Variants in PPIP5K1 observed in about 807,000 individuals in gnomAD.
PPIP5K1 encodes diphosphoinositol pentakisphosphate kinase 1.
Under a neutral mutation model 27.7 loss-of-function variants are expected in PPIP5K1, and 6 were observed. That is an observed-to-expected ratio of 0.22 (90% CI 0.12 to 0.43). The LOEUF is 0.43. Ranked by LOEUF, PPIP5K1 falls within the 20% of genes least tolerant of loss-of-function variation. The probability of loss-of-function intolerance (pLI) is 1.00; values close to 1 mark genes in which losing one functional copy is unlikely to be tolerated. For missense variants in PPIP5K1, 394 were observed against 635.4 expected (o/e 0.62, Z 4.08); for synonymous variants, 145 against 242.6 (o/e 0.60, Z 3.74).
In PPIP5K1 at chr15:43,535,482, A is replaced by G; in HGVS notation, c.3671-6T>C. On this transcript the variant is annotated splice_polypyrimidine_tract_variant and splice_region_variant and intron_variant, in intron 31 of 31. Coordinates refer to ENST00000420765, the MANE Select transcript of PPIP5K1 (RefSeq NM_001394395.1). ...GCTAGAAGGGCCACTGCTGTCTGTAAAGCAAAGTCAAGAGATCAAGTTAGA... is the reference window on the plus strand; with the variant it reads ...GCTAGAAGGGCCACTGCTGTCTGTAGAGCAAAGTCAAGAGATCAAGTTAGA... The G allele has an allele frequency of 4.5e-6, 7 of 1,548,500 alleles. No homozygotes were observed. Among genetic ancestry groups the G allele is most frequent in the Non-Finnish European group, 6.1e-6 (7 of 1,151,122 alleles).
At chr15:43,544,764 G>A in intron 30 of PPIP5K1, among the ~76,000 whole-genome samples, 1 of 152,070 alleles carries the variant, frequency 6.6e-6, no homozygotes, top group East Asian at 1.9e-4. Context: ...CTCCAGGCAT[G>A]ATCATACCAC....
In PPIP5K1 at chr15:43,555,285, T is replaced by A. The variant is rs144675753; in HGVS notation, c.3556+3510A>T. ...GAGTTTTCTATTTTTATTTATTTAT[T>A]TATGTTTTGAGACACGGTCTCAGTC... On this transcript the variant is annotated intron_variant, in intron 30 of 31. Transcript: ENST00000420765. Among the ~76,000 whole-genome samples the A allele has an allele frequency of 3.6e-3, 546 of 152,218 alleles. 3 individuals are homozygous for A. Among genetic ancestry groups the A allele is most frequent in the African/African-American group, 0.012 (515 of 41,516 alleles).
At chr15:43,546,654 A>ATTTTTTTTTT in intron 30 of PPIP5K1, among the ~76,000 whole-genome samples, 1 of 106,500 alleles carries the variant, frequency 9.4e-6, no homozygotes, top group Non-Finnish European at 2.0e-5. Context: ...CCTGTTTTCA[A>ATTTTTTTTTT]TTTTTTTTTT....
intron 30 of PPIP5K1, among the ~76,000 whole-genome samples, chr15:43,544,597 C>T (rs545248711): frequency 3.3e-5 from 5 of 152,162 alleles, no homozygotes; most frequent in Non-Finnish European, 5.9e-5. Flanking sequence ...AGTTCAAGAC[C>T]AGCCTGGGCA....
intron 30 of PPIP5K1, among the ~76,000 whole-genome samples, chr15:43,549,027 CAAAAAAAAAAAAAA>C (rs1160828750): frequency 2.1e-4 from 6 of 28,674 alleles, no homozygotes; most frequent in South Asian, 1.8e-3. Flanking sequence ...GACTCCATCT[CAAAAAAAAAAAAAA>C]AAAAAAAAAA....
chr15:43,549,754 T>C (rs1466366572), intron 30 of PPIP5K1, among the ~76,000 whole-genome samples: 3 of 152,156 alleles, frequency 2.0e-5, no homozygotes, highest in South Asian at 4.1e-4. Flanking sequence ...GAGGATCACT[T>C]GATTCCAGGA....
intron 30 of PPIP5K1, among the ~76,000 whole-genome samples, chr15:43,550,581 T>A (rs2082072307): frequency 2.0e-5 from 3 of 151,526 alleles, no homozygotes; most frequent in African/African-American, 7.3e-5. Context: ...CAGAAATACT[T>A]TTATTTTTTC....
intron 26 of PPIP5K1, among the ~76,000 whole-genome samples, chr15:43,567,118 G>GTTGTT (rs1323195255): frequency 1.0e-5 from 1 of 96,978 alleles, no homozygotes; most frequent in Non-Finnish European, 1.8e-5. Flanking sequence ...GTTGTTTCGG[G>GTTGTT]TTTTTTTTTT....
intron 31 of PPIP5K1, chr15:43,536,097 C>G (rs552814948): frequency 2.3e-6 from 3 of 1,286,026 alleles, no homozygotes; most frequent in Non-Finnish European, 3.0e-6. Context: ...TGTAGAAAAA[C>G]CATGTAAATC....
intron 30 of PPIP5K1, among the ~76,000 whole-genome samples, chr15:43,542,301 C>CT (rs1029393560): frequency 1.6e-5 from 2 of 123,060 alleles, no homozygotes; most frequent in African/African-American, 7.0e-5. Flanking sequence ...TTAATTTTGG[C>CT]GGGGGGGGGG....
intron 29 of PPIP5K1, 120 bp from the exon 30 acceptor site, chr15:43,559,052 G>A: frequency 8.3e-7 from 1 of 1,212,024 alleles, no homozygotes; most frequent in Non-Finnish European, 1.2e-6. Context: ...TGGAGTGTTG[G>A]GTATCCAAGA....
intron 30 of PPIP5K1, among the ~76,000 whole-genome samples, chr15:43,551,044 T>C (rs1333472828): frequency 6.6e-6 from 1 of 152,202 alleles, no homozygotes; most frequent in Non-Finnish European, 1.5e-5. Context: ...TTAAGGGATA[T>C]TGGTTTCTTC....
At chr15:43,547,319 G>A (rs1410907080) in intron 30 of PPIP5K1, among the ~76,000 whole-genome samples, 1 of 152,046 alleles carries the variant, frequency 6.6e-6, no homozygotes, top group Non-Finnish European at 1.5e-5. Context: ...TTCTGTAGTT[G>A]TTATTTTACT....
chr15:43,543,810 A>ATAT (rs55930444), intron 30 of PPIP5K1, among the ~76,000 whole-genome samples: 1 of 150,476 alleles, frequency 6.6e-6, no homozygotes, highest in Non-Finnish European at 1.5e-5. Flanking sequence ...ATATATATAT[A>ATAT]AAATATATAT....
chr15:43,556,839 G>T (rs761040991), intron 30 of PPIP5K1, among the ~76,000 whole-genome samples: 1 of 152,138 alleles, frequency 6.6e-6, no homozygotes, highest in Non-Finnish European at 1.5e-5. Flanking sequence ...GGCAGGGTGG[G>T]GCAAGAGTGA....
intron 29 of PPIP5K1, among the ~76,000 whole-genome samples, 174 bp from the exon 30 acceptor site, chr15:43,559,106 T>A (rs2083442054): frequency 6.6e-6 from 1 of 152,170 alleles, no homozygotes; most frequent in East Asian, 1.9e-4. Flanking sequence ...GGAGTCTGTT[T>A]TTCTCACCTT....
At chr15:43,559,090 C>T (rs1241557647) in intron 29 of PPIP5K1, among the ~76,000 whole-genome samples, 158 bp from the exon 30 acceptor site, 1 of 152,060 alleles carries the variant, frequency 6.6e-6, no homozygotes, top group East Asian at 1.9e-4. Context: ...TCTTTAGAGC[C>T]CCTAGGGAGT....
At chr15:43,537,513 A>G (rs969102585) in intron 31 of PPIP5K1, 1 of 182,838 alleles carries the variant, frequency 5.5e-6, no homozygotes, top group African/African-American at 2.4e-5. Context: ...ACATGGCAAA[A>G]CCCCGTCTCT....
At chr15:43,560,626 GCA>G (rs963389566) in intron 28 of PPIP5K1, 31 bp from the exon 29 acceptor site, 2 of 479,152 alleles carry the variant, frequency 4.2e-6, no homozygotes, top group African/African-American at 3.9e-5. Context: ...ACGGCAGGAA[GCA>G]CAAAGATAGA....
Sources: allele counts gnomAD v4.1 joint callset (sites outside exome capture counted in the v4.1 genomes callset), GRCh38; gene constraint gnomAD v4.1.1; transcripts MANE v1.5; gene names NCBI Gene and HGNC (gene_info 2026-07-23, HGNC 2026-07-21).